The following UNC13C variants were observed in gnomAD, a reference collection of about 807,000 sequenced individuals.
UNC13C encodes the protein unc-13 homolog C, also known as protein unc-13 homolog C.
In UNC13C, 174 loss-of-function variants were observed where a neutral mutation model predicts 245.4. The observed-to-expected ratio is 0.71, with a 90% CI of 0.63 to 0.80. The LOEUF is 0.80. UNC13C is among the 30% of genes least tolerant of loss of function. The probability of loss-of-function intolerance (pLI) is 0.00; values close to 1 mark genes in which losing one functional copy is unlikely to be tolerated. For synonymous variants in UNC13C, 992 were observed against 895.1 expected (o/e 1.11, Z -1.93); for missense variants, 2,829 against 2,602.9 (o/e 1.09, Z -1.89).
In UNC13C at chr15:54,000,543, A is replaced by G. The variant is rs1339612303; in HGVS notation, c.-256-12105A>G. Among the ~76,000 whole-genome samples, 6 of 152,300 alleles carry G rather than the reference A, an allele frequency of 3.9e-5. No individual in the cohort carries two copies. In the East Asian group the frequency reaches 1.2e-3, roughly 29 times the overall value. ...TTAGATGATCTATCAAGTGGTTTTAACATTGCTAAAATTCATAAGTCAGCC... is the reference window on the plus strand; with the variant it reads ...TTAGATGATCTATCAAGTGGTTTTAGCATTGCTAAAATTCATAAGTCAGCC... On this transcript the variant is annotated intron_variant, in intron 1 of 32. Transcript: ENST00000260323.
At position 54,238,429 on chromosome 15, in the gene UNC13C, G is replaced by A. The variant is rs187255403; in HGVS notation, c.3228+739G>A. Among the ~76,000 whole-genome samples, 374 of 152,132 alleles carry A rather than the reference G, an allele frequency of 2.5e-3. 1 individual carries two copies. The highest frequency in any genetic ancestry group is 8.7e-3 in the African/African-American group (360 of 41,494). ...GGTCATATGATTACGAGTGAAGTTG[G>A]CTTGGTATGAGTCCCATCTGTGCCA... On this transcript the variant is annotated intron_variant, in intron 7 of 32. Transcript: ENST00000260323.
intron 4 of UNC13C, among the ~76,000 whole-genome samples, chr15:54,147,905 A>T (rs1335020021): frequency 6.6e-6 from 1 of 152,036 alleles, no homozygotes; most frequent in Admixed American, 6.6e-5. Flanking sequence ...AAACAGTTTG[A>T]GGAGGATATT....
chr15:54,548,554 A>G (rs74014209), intron 27 of UNC13C, among the ~76,000 whole-genome samples: 5,652 of 152,090 alleles, frequency 0.037, 318 homozygotes, highest in African/African-American at 0.13. Context: ...CAAAGTAGCA[A>G]TTATGGTTTT....
At chr15:54,019,285 C>G (rs534469020) in intron 2 of UNC13C, among the ~76,000 whole-genome samples, 4 of 152,130 alleles carry the variant, frequency 2.6e-5, no homozygotes, top group African/African-American at 7.2e-5. Context: ...TGTTTTTATT[C>G]AAGTTTTAAG....
At chr15:53,923,448 T>G in the UNC13C span, among the ~76,000 whole-genome samples, 3 of 152,336 alleles carry the variant, frequency 2.0e-5, no homozygotes, top group African/African-American at 7.2e-5. Flanking sequence ...AGGATACATT[T>G]ATGGTAGAAA....
intron 4 of UNC13C, among the ~76,000 whole-genome samples, chr15:54,167,027 T>A (rs1019297899): frequency 2.0e-5 from 3 of 152,292 alleles, no homozygotes. Context: ...TTCAAAGTAA[T>A]CTTTAGAAAG....
chr15:54,217,039 C>T (rs2035062182), intron 4 of UNC13C, among the ~76,000 whole-genome samples: 1 of 151,950 alleles, frequency 6.6e-6, no homozygotes, highest in Non-Finnish European at 1.5e-5. Context: ...TTTACAGCAA[C>T]AGTTAAGGTA....
At chr15:54,318,435 A>G (rs77808906) in intron 13 of UNC13C, among the ~76,000 whole-genome samples, 47 of 152,012 alleles carry the variant, frequency 3.1e-4, no homozygotes, top group African/African-American at 1.0e-3. Context: ...GGAGTGAGGT[A>G]ATATCTGATG....
chr15:54,348,659 C>G (rs1230849245), intron 17 of UNC13C, among the ~76,000 whole-genome samples: 1 of 152,094 alleles, frequency 6.6e-6, no homozygotes, highest in African/African-American at 2.4e-5. Flanking sequence ...AACGTCCATG[C>G]TTGTTTTGTG....
intron 2 of UNC13C, among the ~76,000 whole-genome samples, chr15:54,141,626 A>G (rs576585627): frequency 3.3e-5 from 5 of 152,034 alleles, no homozygotes; most frequent in Non-Finnish European, 1.5e-5. Flanking sequence ...TTGATATGTC[A>G]TATTAGATTA....
chr15:54,509,962 C>T (rs1195103408), intron 23 of UNC13C, among the ~76,000 whole-genome samples: 1 of 152,138 alleles, frequency 6.6e-6, no homozygotes, highest in East Asian at 1.9e-4. Context: ...CAATCCATGT[C>T]AAGTGAGCCA....
At chr15:54,604,852 C>T (rs1341169343) in intron 30 of UNC13C, among the ~76,000 whole-genome samples, 2 of 152,168 alleles carry the variant, frequency 1.3e-5, no homozygotes, top group African/African-American at 2.4e-5. Flanking sequence ...GAGTTCTCCT[C>T]ATGCTTAAAA....
intron 18 of UNC13C, 124 bp from the exon 19 acceptor site, chr15:54,414,858 T>C: frequency 1.9e-6 from 1 of 528,314 alleles, no homozygotes; most frequent in Non-Finnish European, 3.2e-6. Context: ...TAAAGAGAAA[T>C]GTCATAAATA....
intron 2 of UNC13C, among the ~76,000 whole-genome samples, chr15:54,099,658 C>T (rs1282293202): frequency 6.6e-6 from 1 of 152,062 alleles, no homozygotes; most frequent in East Asian, 1.9e-4. Flanking sequence ...CATCTGTACT[C>T]GAATATTCCC....
chr15:53,873,402 G>T, the UNC13C span, among the ~76,000 whole-genome samples: 1 of 152,074 alleles, frequency 6.6e-6, no homozygotes, highest in Non-Finnish European at 1.5e-5. Context: ...TCGCAAGATC[G>T]CTCAACTTGC....
At chr15:54,187,760 G>C (rs28436925) in intron 4 of UNC13C, among the ~76,000 whole-genome samples, 16,153 of 152,020 alleles carry the variant, frequency 0.11, 1,445 homozygotes, top group African/African-American at 0.24. Flanking sequence ...TGTCTTATCT[G>C]TTCACTAAAT....
chr15:54,357,693 G>A (rs2140856656), intron 17 of UNC13C, among the ~76,000 whole-genome samples: 1 of 152,064 alleles, frequency 6.6e-6, no homozygotes, highest in Non-Finnish European at 1.5e-5. Flanking sequence ...AAGTAATCTG[G>A]GGAGATAATT....
In UNC13C at chr15:54,333,766, G is replaced by A. The variant is rs1251333880; in HGVS notation, c.4495-1G>A. 6.3e-7 allele frequency: 1 copy of A among 1,596,764 alleles called. No homozygotes were observed. Among genetic ancestry groups the A allele is most frequent in the Non-Finnish European group, 8.5e-7 (1 of 1,170,404 alleles). On this transcript the variant is annotated splice_acceptor_variant, in intron 15 of 32. Coordinates refer to ENST00000260323, the MANE Select transcript of UNC13C (RefSeq NM_001080534.3). LOFTEE classifies it high-confidence loss of function. Reference sequence around the variant, plus strand: ...ATCCATTTTGTTTCCTAATTAACCAGGAAAACTTTCCTGCAAGCAATACTG... The same window carrying A: ...ATCCATTTTGTTTCCTAATTAACCAAGAAAACTTTCCTGCAAGCAATACTG...
intron 26 of UNC13C, among the ~76,000 whole-genome samples, chr15:54,536,207 A>C (rs142603786): frequency 1.3e-5 from 2 of 152,112 alleles, no homozygotes; most frequent in Non-Finnish European, 2.9e-5. Context: ...AGAGACCTCT[A>C]TGCACACAAA....
Sources: allele counts gnomAD v4.1 joint callset (sites outside exome capture counted in the v4.1 genomes callset), GRCh38; gene constraint gnomAD v4.1.1; transcripts MANE v1.5; gene names NCBI Gene and HGNC (gene_info 2026-07-23, HGNC 2026-07-21).